The following TLR10 variants were observed in gnomAD, a reference collection of about 807,000 sequenced individuals.
The protein encoded by TLR10 is toll-like receptor 10.
For missense variants in TLR10, 929 were observed against 932.9 expected (o/e 1.00, Z 0.05); for synonymous variants, 288 against 338.8 (o/e 0.85, Z 1.65).
chr4:38,775,290 A>C lies in TLR10; in HGVS notation c.301T>G (p.Leu101Val), dbSNP rs753790581. ...TFEFNKELRYLDLSNNRLKSV... is the reference protein window; with the variant it reads ...TFEFNKELRYVDLSNNRLKSV... ...TTCAGTCTGTTATTAGACAAATCTA[A>C]ATATCTTAACTCCTTGTTGAATTCA... The change falls in exon 4 of 4, where the codon TTA becomes GTA. Residue 101 changes from leucine to valine, a missense_variant. Physicochemically the swap from Leu to Val is conservative, Grantham distance 32. Coordinates refer to ENST00000308973, the MANE Select transcript of TLR10 (RefSeq NM_030956.4). 2 of 1,614,130 alleles carry C rather than the reference A, an allele frequency of 1.2e-6. No individual in the cohort carries two copies. The highest frequency in any genetic ancestry group is 1.7e-6 in the Non-Finnish European group (2 of 1,180,010).
At chr4:38,775,718 C>T in intron 3 of TLR10, 57 bp downstream of exon 3, 1 of 993,682 alleles carries the variant, frequency 1.0e-6, no homozygotes. Context: ...TTTTTATTTG[C>T]AAAAAAAATG....
intron 1 of TLR10, among the ~76,000 whole-genome samples, chr4:38,780,314 T>G (rs1301403079): frequency 6.6e-6 from 1 of 150,902 alleles, no homozygotes; most frequent in Non-Finnish European, 1.5e-5. Flanking sequence ...TGAGGCAGGA[T>G]AATCACTTGA....
chr4:38,775,468 C>G lies in TLR10; in HGVS notation c.123G>C (p.Lys41Asn). 6.2e-7 allele frequency: 1 copy of G among 1,614,064 alleles called. No individual in the cohort carries two copies. Among genetic ancestry groups the G allele is most frequent in the Non-Finnish European group, 8.5e-7 (1 of 1,179,998 alleles). ...TGGCTGGGGTCAAGTCTGCGGGAAC[C>G]TTTCTTAGAGACATGTTGGAGCAGT... Reference protein sequence around the residue: ...MTNCSNMSLRKVPADLTPATT... With the variant: ...MTNCSNMSLRNVPADLTPATT... Residue 41 changes from lysine to asparagine, a missense_variant, in exon 4 of 4, where the codon AAG becomes AAC. Physicochemically the swap from Lys to Asn is moderately conservative, Grantham distance 94. Transcript: ENST00000308973.
chr4:38,780,325 A>G (rs1017641548), intron 1 of TLR10, among the ~76,000 whole-genome samples: 1 of 151,286 alleles, frequency 6.6e-6, no homozygotes, highest in South Asian at 2.1e-4. Context: ...AATCACTTGA[A>G]CCCAAAAGGT....
At position 38,775,482 on chromosome 4, in the gene TLR10, T is replaced by C; in HGVS notation, c.109A>G (p.Met37Val). Reference sequence around the variant, plus strand: ...TCTGCGGGAACCTTTCTTAGAGACATGTTGGAGCAGTTGGTCATCAGTTCC... The same window carrying C: ...TCTGCGGGAACCTTTCTTAGAGACACGTTGGAGCAGTTGGTCATCAGTTCC... The part of the protein sequence containing the change: ...ERELMTNCSN[M>V]SLRKVPADLT... Residue 37 changes from methionine (M) to valine (V), a missense_variant, in exon 4 of 4, where the codon ATG becomes GTG. Physicochemically the swap from Met to Val is conservative, Grantham distance 21 (BLOSUM62 1). Coordinates refer to ENST00000308973, the MANE Select transcript of TLR10 (RefSeq NM_030956.4). 1.2e-6 allele frequency: 2 copies of C among 1,614,122 alleles called. No individual in the cohort carries two copies. Among genetic ancestry groups the C allele is most frequent in the East Asian group, 2.2e-5 (1 of 44,876 alleles).
rs759805060 is a variant in TLR10 at position 38,774,949 on chromosome 4, TG to T, written c.641del (p.Ser214Ter). 18 of 1,613,130 alleles carry T rather than the reference TG, an allele frequency of 1.1e-5. No homozygotes were observed. The African/African-American group carries it at 2.1e-4, about 19-fold the overall frequency. Reference protein sequence around the residue: ...WVLLRDGIKTSKILEMTNIDG... With the variant: ...WVLLRDGIKTXKILEMTNIDG... ...CTATATTTGTCATTTCTAATATTTT[TG>T]AAGTCTTGATTCCATCACGCAAAAG... On this transcript the variant is annotated frameshift_variant, in exon 4 of 4. Transcript: ENST00000308973. LOFTEE classifies it low-confidence loss of function (END_TRUNC).
At position 38,775,551 on chromosome 4, in the gene TLR10, C is replaced by A. The variant is rs1192493376; in HGVS notation, c.40G>T (p.Val14Phe). Residue 14 changes from valine to phenylalanine, a missense_variant, in exon 4 of 4, where the codon GTT (valine) becomes TTT (phenylalanine). Transcript: ENST00000308973. ...GGAGCATCACCCTCTGCTGTCATAA[C>A]AATACTACAAAATATGTAAATGTTT... Reference protein sequence around the residue: ...IRNIYIFCSIVMTAEGDAPEL... With the variant: ...IRNIYIFCSIFMTAEGDAPEL... 1.2e-6 allele frequency: 2 copies of A among 1,612,044 alleles called. No individual in the cohort carries two copies. The highest frequency in any genetic ancestry group is 1.7e-6 in the Non-Finnish European group (2 of 1,179,386).
In TLR10 at chr4:38,775,487, G is replaced by A. The variant is rs1406956394; in HGVS notation, c.104C>T (p.Ser35Phe). The part of the protein sequence containing the change: ...PEERELMTNC[S>F]NMSLRKVPAD... Reference sequence around the variant, plus strand: ...GGGAACCTTTCTTAGAGACATGTTGGAGCAGTTGGTCATCAGTTCCCTTTC... The same window carrying A: ...GGGAACCTTTCTTAGAGACATGTTGAAGCAGTTGGTCATCAGTTCCCTTTC... The change falls in exon 4 of 4, where the codon TCC becomes TTC. Residue 35 changes from serine (S) to phenylalanine (F), a missense_variant. Coordinates refer to ENST00000308973, the MANE Select transcript of TLR10 (RefSeq NM_030956.4). 1 of 1,614,092 alleles carries A rather than the reference G, an allele frequency of 6.2e-7. No individual in the cohort carries two copies. The highest frequency in any genetic ancestry group is 8.5e-7 in the Non-Finnish European group (1 of 1,180,002).
intron 1 of TLR10, 21 bp downstream of exon 1, chr4:38,782,900 A>C (rs1298352223): frequency 6.6e-6 from 1 of 152,226 alleles, no homozygotes; most frequent in East Asian, 1.9e-4. Flanking sequence ...GAGTTACAAC[A>C]AACAAAGCTA....
rs773343951 is a variant in TLR10, at chr4:38,774,487, AGTT to A, written c.1101_1103del (p.Arg367_Thr368delinsSer). 7 of 1,593,148 alleles carry A rather than the reference AGTT, an allele frequency of 4.4e-6. No individual in the cohort carries two copies. The South Asian group carries it at 6.9e-5, about 16-fold the overall frequency. ...GAGTTTTCAAGTGAGGCAGTTGGAT[AGTT>A]CTTTTAAACAACTCGTCTGTTAAGA... On this transcript the variant is annotated inframe_deletion, in exon 4 of 4. Transcript: ENST00000308973.
At chr4:38,777,811 G>A (rs1177265167) in intron 1 of TLR10, among the ~76,000 whole-genome samples, 1 of 152,222 alleles carries the variant, frequency 6.6e-6, no homozygotes, top group Admixed American at 6.5e-5. Flanking sequence ...AGGTGCTGGA[G>A]AGGGTGTAGA....
At chr4:38,776,582 A>T (rs11466645) in intron 1 of TLR10, among the ~76,000 whole-genome samples, 156 bp from the exon 2 acceptor site, 20,899 of 152,240 alleles carry the variant, frequency 0.14, 1,951 homozygotes, top group East Asian at 0.33. Context: ...TGAAGGATAT[A>T]GAATTCTGAG....
intron 1 of TLR10, among the ~76,000 whole-genome samples, chr4:38,781,233 T>C (rs1340712128): frequency 1.3e-5 from 2 of 152,210 alleles, no homozygotes; most frequent in Non-Finnish European, 2.9e-5. Flanking sequence ...CTTAAACTCC[T>C]GGCCTCCAGC....
At chr4:38,779,660 T>C (rs926703413) in intron 1 of TLR10, among the ~76,000 whole-genome samples, 1 of 152,240 alleles carries the variant, frequency 6.6e-6, no homozygotes, top group African/African-American at 2.4e-5. Flanking sequence ...AATTATTGTG[T>C]TCATAGTATC....
In TLR10 at chr4:38,776,154, C is replaced by CTGTCCT. The variant is rs764846291; in HGVS notation, c.-302_-297dup. ...AAACAGGAAACAAATAGAATTATTCCTGTCCTTCTGCCTCTATATGTCTTC... is the reference window on the plus strand; with the variant it reads ...AAACAGGAAACAAATAGAATTATTCCTGTCCTTGTCCTTCTGCCTCTATATGTCTTC... On this transcript the variant is annotated 5_prime_UTR_variant, in exon 2 of 4. Transcript: ENST00000308973. The CTGTCCT allele has an allele frequency of 3.2e-5, 5 of 156,314 alleles. No individual in the cohort carries two copies. The highest frequency in any genetic ancestry group is 7.2e-5 in the Non-Finnish European group (5 of 69,808). 9.7% of individuals were successfully genotyped at this position (156,314 alleles called of 1,614,324 possible).
Position 38,774,464 on chromosome 4 carries a change from G to A in TLR10, c.1127C>T (p.Thr376Ile). ...KRTIQLPHLK[T>I]LILNGNKLET... is the part of the protein sequence containing the mutation. Reference sequence around the variant, plus strand: ...CAGTTTATTGCCATTCAAAATGAGAGTTTTCAAGTGAGGCAGTTGGATAGT... The same window carrying A: ...CAGTTTATTGCCATTCAAAATGAGAATTTTCAAGTGAGGCAGTTGGATAGT... The change falls in exon 4 of 4, where the codon ACT becomes ATT. Residue 376 changes from threonine to isoleucine, a missense_variant. Thr to Ile is a moderately conservative substitution (Grantham distance 89). Coordinates refer to ENST00000308973, the MANE Select transcript of TLR10 (RefSeq NM_030956.4). 3.7e-6 allele frequency: 6 copies of A among 1,607,550 alleles called. No individual in the cohort carries two copies. The highest frequency in any genetic ancestry group is 5.1e-6 in the Non-Finnish European group (6 of 1,178,242).
rs149319935 is a variant in TLR10, at chr4:38,774,035, G to C, written c.1556C>G (p.Ala519Gly). ...GGTACACCGGAATGGATTTCTTCCC[G>C]CATTTAGAGTTTTAACTTCCTGGCA... ...QSCQEVKTLN[A>G]GRNPFRCTCE... Residue 519 changes from alanine to glycine, a missense_variant, in exon 4 of 4, where the codon GCG becomes GGG. Ala to Gly is a moderately conservative substitution (Grantham distance 60). Coordinates refer to ENST00000308973, the MANE Select transcript of TLR10 (RefSeq NM_030956.4). The C allele has an allele frequency of 3.1e-6, 5 of 1,608,806 alleles. No individual in the cohort carries two copies. Among genetic ancestry groups the C allele is most frequent in the Non-Finnish European group, 4.2e-6 (5 of 1,177,140 alleles).
intron 1 of TLR10, among the ~76,000 whole-genome samples, chr4:38,780,526 GT>G (rs1725340791): frequency 6.6e-6 from 1 of 152,088 alleles, no homozygotes; most frequent in South Asian, 2.1e-4. Flanking sequence ...GAAAGATCTG[GT>G]TTTGTCATCT....
intron 1 of TLR10, among the ~76,000 whole-genome samples, chr4:38,777,700 G>A (rs1725142176): frequency 6.6e-6 from 1 of 152,168 alleles, no homozygotes; most frequent in Admixed American, 6.5e-5. Context: ...ATGAAAAAAA[G>A]CTCATGATCA....
Sources: allele counts gnomAD v4.1 joint callset (sites outside exome capture counted in the v4.1 genomes callset), GRCh38; gene constraint gnomAD v4.1.1; transcripts MANE v1.5; gene names NCBI Gene and HGNC (gene_info 2026-07-23, HGNC 2026-07-21).